Variants in GTPBP6 observed in about 807,000 individuals in gnomAD.
The protein encoded by GTPBP6 is putative GTP-binding protein 6.
GTPBP6 carries 33 observed loss-of-function variants against 28.9 expected under a neutral mutation model. That is an observed-to-expected ratio of 1.14 (90% confidence interval 0.87 to 1.53). GTPBP6 has a LOEUF of 1.53. Ranked by LOEUF, GTPBP6 falls within the 40% of genes most tolerant of loss-of-function variation. The pLI is 0.00. For missense variants in GTPBP6, 507 were observed against 408.3 expected (o/e 1.24, Z -2.08); for synonymous variants, 231 against 192.7 (o/e 1.20, Z -1.65).
exon 1 of GTPBP6, chrX:318,634 C>A: frequency 2.5e-6 from 1 of 397,718 alleles, no homozygotes; most frequent in Non-Finnish European, 4.4e-6. Flanking sequence ...CGCCCTCCGC[C>A]CCACGGCCCC....
intron 6 of GTPBP6, chrX:311,941 G>T (rs1330433818): frequency 6.9e-6 from 4 of 575,770 alleles, no homozygotes; most frequent in African/African-American, 1.9e-5. Flanking sequence ...TAGATGGTGG[G>T]ATGGTGTAGG....
At chrX:307,836 C>T (rs758007059) in exon 8 of GTPBP6, 2 of 1,548,886 alleles carry the variant, frequency 1.3e-6, no homozygotes, top group Admixed American at 2.1e-5. Context: ...ATTTCTGGAG[C>T]TCCGCCTCGG....
chrX:310,576 T>C, intron 7 of GTPBP6, among the ~76,000 whole-genome samples: 1 of 137,422 alleles, frequency 7.3e-6, no homozygotes, highest in South Asian at 2.4e-4. Context: ...TGGATTAGGG[T>C]GGACCCTAAA....
exon 6 of GTPBP6, chrX:312,849 A>G (rs997010505): frequency 1.8e-5 from 29 of 1,612,768 alleles, no homozygotes; most frequent in Non-Finnish European, 2.5e-5. Flanking sequence ...CTTCTTGCGA[A>G]GCCTGTCCAA....
chrX:316,494 T>C (rs1281203265), intron 2 of GTPBP6, among the ~76,000 whole-genome samples: 4 of 152,136 alleles, frequency 2.6e-5, no homozygotes, highest in Admixed American at 1.3e-4. Context: ...CCAACTCTAC[T>C]GGAAGCGGGA....
At chrX:308,189 A>C (rs2050510152) in intron 7 of GTPBP6, among the ~76,000 whole-genome samples, 1 of 152,120 alleles carries the variant, frequency 6.6e-6, no homozygotes, top group South Asian at 2.1e-4. Flanking sequence ...GGGGGTCTTC[A>C]TTCAAAGCTT....
exon 10 of GTPBP6, chrX:305,049 C>T (rs1230099859): frequency 6.2e-7 from 1 of 1,609,774 alleles, no homozygotes. Context: ...ATGCCCCCAC[C>T]CCGCAGGCCT....
At chrX:318,506 C>G in exon 1 of GTPBP6, 1 of 398,534 alleles carries the variant, frequency 2.5e-6, no homozygotes, top group Non-Finnish European at 4.4e-6. Flanking sequence ...CGCGCTGGGT[C>G]CCCGCCGGCA....
chrX:312,389 G>A (rs2070325785), intron 6 of GTPBP6: 1 of 495,632 alleles, frequency 2.0e-6, no homozygotes, highest in East Asian at 5.8e-5. Context: ...GTGTAGATGG[G>A]TGGATTGTGT....
Position 316,707 on chromosome X carries a change from G to A in GTPBP6, c.487+207C>T, listed in dbSNP as rs2070446626. Among the ~76,000 whole-genome samples, 3 of 152,120 alleles carry A rather than the reference G, an allele frequency of 2.0e-5. No individual in the cohort carries two copies. In the South Asian group the frequency reaches 6.2e-4, roughly 31 times the overall value. On this transcript the variant is annotated intron_variant, in intron 2 of 9. Coordinates refer to ENST00000326153, the Ensembl canonical transcript of GTPBP6. ...CTTTACCAGTTTAAGTCTCTCCAGG[G>A]CCCGGTGTGAATCTCGACACAGATA...
chrX:307,405 C>T (rs776437259), exon 9 of GTPBP6: 5 of 1,612,490 alleles, frequency 3.1e-6, no homozygotes, highest in African/African-American at 2.7e-5. Context: ...GAGGATCTGT[C>T]TCCCCGTCGC....
intron 9 of GTPBP6, among the ~76,000 whole-genome samples, chrX:307,041 A>AAAT (rs2070184864): frequency 6.6e-6 from 1 of 151,880 alleles, no homozygotes; most frequent in Non-Finnish European, 1.5e-5. Context: ...ATGCAGTCAG[A>AAAT]AATGTATTTT....
chrX:306,377 C>T (rs1000675767), intron 9 of GTPBP6, among the ~76,000 whole-genome samples: 30 of 149,478 alleles, frequency 2.0e-4, no homozygotes, highest in Non-Finnish European at 3.5e-4. Context: ...TTTTGGCTGT[C>T]AAGCACAGAT....
intron 2 of GTPBP6, among the ~76,000 whole-genome samples, chrX:316,367 G>A (rs1768387615): frequency 9.4e-6 from 1 of 105,894 alleles, no homozygotes; most frequent in Non-Finnish European, 2.1e-5. Flanking sequence ...ACACACACAG[G>A]GTGAACACAT....
chrX:314,692 G>C (rs2070395566), intron 4 of GTPBP6, among the ~76,000 whole-genome samples, 198 bp downstream of exon 4: 1 of 152,008 alleles, frequency 6.6e-6, no homozygotes, highest in Non-Finnish European at 1.5e-5. Context: ...TGGCCAGGAT[G>C]GTCTCGATCT....
At chrX:312,954 G>C in intron 5 of GTPBP6, 30 bp from the exon 6 acceptor site, 1 of 1,593,170 alleles carries the variant, frequency 6.3e-7, no homozygotes, top group Non-Finnish European at 8.6e-7. Flanking sequence ...GTGAGGCGGT[G>C]AGCCACGCCG....
exon 1 of GTPBP6, chrX:318,452 C>G (rs1360446613): frequency 1.0e-5 from 4 of 398,418 alleles, no homozygotes; most frequent in Non-Finnish European, 1.8e-5. Context: ...GAGTCATCTG[C>G]GACTTCCCCG....
chrX:307,642 C>T (rs772632254), intron 8 of GTPBP6, 90 bp downstream of exon 8: 14 of 1,416,224 alleles, frequency 9.9e-6, no homozygotes, highest in Admixed American at 5.1e-5. Flanking sequence ...GCCACCGCTG[C>T]GGTTCACACG....
chrX:311,716 G>T (rs1055325248), intron 6 of GTPBP6, 89 bp from the exon 7 acceptor site: 2 of 1,099,114 alleles, frequency 1.8e-6, no homozygotes, highest in African/African-American at 1.5e-5. Flanking sequence ...GGAGACCACG[G>T]CACCCTCTGG....
Sources: gnomAD v4.1 joint callset for allele counts (sites outside exome capture counted in the v4.1 genomes callset) on GRCh38, gnomAD v4.1.1 for gene constraint, MANE v1.5 for transcripts, NCBI Gene and HGNC (gene_info 2026-07-23, HGNC 2026-07-21) for gene names.